The following SKAP1 variants were observed in gnomAD, a reference collection of about 807,000 sequenced individuals.
The protein encoded by SKAP1 is src kinase-associated phosphoprotein 1.
SKAP1 carries 44 observed loss-of-function variants against 58.5 expected under a neutral mutation model. That is an observed-to-expected ratio of 0.75 (90% CI 0.59 to 0.97). The LOEUF is 0.97. Among genes scored for constraint, SKAP1 ranks in the 50% least tolerant of loss-of-function variants. The pLI is 0.00. For missense variants in SKAP1, 390 were observed against 435.2 expected, an observed-to-expected ratio of 0.90 and a Z score of 0.92; for synonymous variants, 127 against 149.7, an observed-to-expected ratio of 0.85 and a Z score of 1.11.
chr17:48,137,006 T>C (rs923667217), intron 12 of SKAP1: 2 of 409,086 alleles, frequency 4.9e-6, no homozygotes, highest in Admixed American at 8.0e-5. Flanking sequence ...TTAGATTTTA[T>C]GTTGCTATTA....
chr17:48,242,192 C>T (rs538708398), intron 4 of SKAP1, among the ~76,000 whole-genome samples: 1 of 152,332 alleles, frequency 6.6e-6, no homozygotes, highest in South Asian at 2.1e-4. Flanking sequence ...GGGAAAGAGG[C>T]TCATCCACCT....
intron 9 of SKAP1, 52 bp from the exon 10 acceptor site, chr17:48,170,711 T>C (rs763385941): frequency 2.1e-6 from 3 of 1,459,992 alleles, no homozygotes; most frequent in Non-Finnish European, 2.8e-6. Context: ...AGTCTCATGT[T>C]CTTTTTTTTT....
rs535845516 is a variant in SKAP1, at chr17:48,408,812, A to G, written c.47-12027T>C. 3.6e-4 allele frequency among the ~76,000 whole-genome samples: 55 copies of G among 152,354 alleles called. 1 individual carries two copies. The highest frequency in any genetic ancestry group is 8.3e-4 in the South Asian group (4 of 4,828). ...AAGGAAAGAAACTGTAGACCAATAT[A>G]CAATACATTTGCCCTTCAATTTAGA... On this transcript the variant is annotated intron_variant, in intron 1 of 12. Coordinates refer to ENST00000336915, the MANE Select transcript of SKAP1 (RefSeq NM_003726.4).
chr17:48,354,213 C>T (rs2066844737), intron 3 of SKAP1, among the ~76,000 whole-genome samples: 2 of 152,126 alleles, frequency 1.3e-5, no homozygotes, highest in Admixed American at 1.3e-4. Flanking sequence ...ATTCAACCTC[C>T]CCATGCCACA....
intron 4 of SKAP1, among the ~76,000 whole-genome samples, chr17:48,205,000 T>A (rs942884265): frequency 2.4e-4 from 9 of 38,250 alleles, no homozygotes; most frequent in Middle Eastern, 8.6e-3. Context: ...TTTCTTTCTT[T>A]CTTTCTTTCT....
At chr17:48,152,970 C>T (rs774694638) in intron 11 of SKAP1, among the ~76,000 whole-genome samples, 1 of 151,998 alleles carries the variant, frequency 6.6e-6, no homozygotes, top group Non-Finnish European at 1.5e-5. Context: ...GTCTGGGCTT[C>T]GTAGTTAATT....
At chr17:48,157,749 G>A (rs1293617734) in intron 11 of SKAP1, among the ~76,000 whole-genome samples, 4 of 151,422 alleles carry the variant, frequency 2.6e-5, no homozygotes, top group African/African-American at 9.7e-5. Flanking sequence ...GGCTGGTCTC[G>A]AACTCCTGAC....
rs138939780 is a variant in SKAP1 at position 48,184,784 on chromosome 17, C to T, written c.506G>A (p.Arg169Gln). The T allele has an allele frequency of 1.6e-5, 26 of 1,613,918 alleles. No individual in the cohort carries two copies. The highest frequency in any genetic ancestry group is 2.2e-5 in the South Asian group (2 of 91,078). Residue 169 changes from arginine to glutamine, a missense_variant, in exon 7 of 13, where the codon CGA (arginine) becomes CAA (glutamine). Transcript: ENST00000336915. ...GCAGGATTCTTTCTTGGAATCTCTT[C>T]GCAGGTGGGGGGCCATCCGTACACC... ...GYGVRMAPHL[R>Q]RDSKKESCFE...
chr17:48,235,400 A>G (rs1235411814), intron 4 of SKAP1, among the ~76,000 whole-genome samples: 3 of 152,064 alleles, frequency 2.0e-5, no homozygotes, highest in Non-Finnish European at 4.4e-5. Context: ...CTAGACAACT[A>G]TCAAGTTTGA....
chr17:48,407,350 A>G (rs1238072126), intron 1 of SKAP1, among the ~76,000 whole-genome samples: 1 of 152,224 alleles, frequency 6.6e-6, no homozygotes, highest in African/African-American at 2.4e-5. Flanking sequence ...AAAAGCAGAA[A>G]TTAGTGTATC....
intron 1 of SKAP1, among the ~76,000 whole-genome samples, chr17:48,421,080 G>C (rs894271237): frequency 6.6e-6 from 1 of 152,132 alleles, no homozygotes; most frequent in Non-Finnish European, 1.5e-5. Context: ...CCCTGATCCT[G>C]AGGAGAGCTG....
chr17:48,270,288 C>T (rs557058731), intron 4 of SKAP1, among the ~76,000 whole-genome samples: 3 of 152,148 alleles, frequency 2.0e-5, no homozygotes, highest in South Asian at 2.1e-4. Context: ...CACATACACA[C>T]CTAATTTTAG....
chr17:48,140,780 T>TC (rs200768793), intron 11 of SKAP1, among the ~76,000 whole-genome samples: 4 of 31,364 alleles, frequency 1.3e-4, no homozygotes, highest in African/African-American at 2.6e-4. Flanking sequence ...TTCTTCTTCT[T>TC]TTTTTTTTTT....
At chr17:48,188,338 C>A (rs1045838324) in intron 5 of SKAP1, among the ~76,000 whole-genome samples, 3 of 152,144 alleles carry the variant, frequency 2.0e-5, no homozygotes, top group African/African-American at 4.8e-5. Context: ...GAGTGTTAAA[C>A]CTGAGATGCC....
At chr17:48,361,081 A>G (rs980962299) in intron 3 of SKAP1, among the ~76,000 whole-genome samples, 5 of 114,690 alleles carry the variant, frequency 4.4e-5, no homozygotes, top group Non-Finnish European at 9.7e-5. Context: ...GTACTATACT[A>G]TACTATACTA....
chr17:48,143,458 A>C (rs1278529268), intron 11 of SKAP1, among the ~76,000 whole-genome samples: 1 of 151,798 alleles, frequency 6.6e-6, no homozygotes, highest in African/African-American at 2.4e-5. Context: ...GTGATCCCCC[A>C]GCTTCAGGCT....
In SKAP1 at chr17:48,347,551, CCTACA is replaced by C. The variant is rs571568562; in HGVS notation, c.179-1550_179-1546del. 2.0e-5 allele frequency among the ~76,000 whole-genome samples: 3 copies of C among 152,136 alleles called. No homozygotes were observed. In the South Asian group the frequency reaches 6.2e-4, roughly 32 times the overall value. On this transcript the variant is annotated intron_variant, in intron 3 of 12. Transcript: ENST00000336915. ...TAGATGTCCATAACTGAGTTGAACA[CCTACA>C]AATATAGGACTTTAGAAATAAACTA...
intron 6 of SKAP1, chr17:48,185,115 G>C (rs1413653721): frequency 5.6e-6 from 2 of 357,828 alleles, no homozygotes; most frequent in African/African-American, 4.3e-5. Context: ...AATGTTAAGA[G>C]ATCTATAACA....
chr17:48,149,677 C>T (rs2063875858), intron 11 of SKAP1, among the ~76,000 whole-genome samples: 1 of 152,092 alleles, frequency 6.6e-6, no homozygotes, highest in Non-Finnish European at 1.5e-5. Flanking sequence ...AATAAATGAA[C>T]GCGGGTACTA....
Sources: gnomAD v4.1 joint callset for allele counts (sites outside exome capture counted in the v4.1 genomes callset) on GRCh38, gnomAD v4.1.1 for gene constraint, MANE v1.5 for transcripts, NCBI Gene and HGNC (gene_info 2026-07-23, HGNC 2026-07-21) for gene names.